Variants in ALK observed in about 807,000 individuals in gnomAD.
ALK encodes the protein ALK tyrosine kinase receptor.
In ALK, 74 loss-of-function variants were observed where a neutral mutation model predicts 163.1. That is an observed-to-expected ratio of 0.45 (90% CI 0.38 to 0.55). The LOEUF (loss-of-function observed/expected upper bound fraction) is 0.55. Among genes scored for constraint, ALK ranks in the 20% least tolerant of loss-of-function variants. ALK has a pLI of 0.00. For synonymous variants in ALK, 960 were observed against 843.2 expected, an observed-to-expected ratio of 1.14 and a Z score of -2.40; for missense variants, 2,063 against 2,105.3, an observed-to-expected ratio of 0.98 and a Z score of 0.39.
intron 3 of ALK, among the ~76,000 whole-genome samples, chr2:29,664,899 C>T (rs943735603): frequency 2.0e-5 from 3 of 152,102 alleles, no homozygotes; most frequent in Non-Finnish European, 4.4e-5. Flanking sequence ...AGGCTGCCCA[C>T]CAGTCTATCC....
At chr2:29,249,674 C>A (rs1304233715) in intron 12 of ALK, among the ~76,000 whole-genome samples, 1 of 152,178 alleles carries the variant, frequency 6.6e-6, no homozygotes, top group East Asian at 1.9e-4. Context: ...TGCTACCCAC[C>A]CTATGCTCAT....
intron 4 of ALK, among the ~76,000 whole-genome samples, chr2:29,502,223 A>G (rs1335966347): frequency 1.3e-5 from 2 of 152,156 alleles, no homozygotes; most frequent in Admixed American, 6.5e-5. Flanking sequence ...TTGAGTCACA[A>G]CTTCTCTAAT....
At chr2:29,377,278 C>T (rs575291353) in intron 5 of ALK, among the ~76,000 whole-genome samples, 2 of 152,018 alleles carry the variant, frequency 1.3e-5, no homozygotes, top group Non-Finnish European at 2.9e-5. Flanking sequence ...AGTTCGAGAC[C>T]AGCCTGACCA....
chr2:29,685,441 C>G (rs1678207845), intron 3 of ALK, among the ~76,000 whole-genome samples: 1 of 152,154 alleles, frequency 6.6e-6, no homozygotes, highest in South Asian at 2.1e-4. Flanking sequence ...GCTCCTTGTC[C>G]CCTTGGGTAT....
intron 19 of ALK, 78 bp from the exon 20 acceptor site, chr2:29,223,606 A>G (rs2148171464): frequency 6.9e-7 from 1 of 1,458,576 alleles, no homozygotes; most frequent in South Asian, 1.2e-5. Context: ...TCCTACAGGA[A>G]GCCTCCCTGG....
chr2:29,528,264 T>C (rs1270685199), intron 4 of ALK, among the ~76,000 whole-genome samples: 2 of 152,074 alleles, frequency 1.3e-5, no homozygotes, highest in Non-Finnish European at 2.9e-5. Flanking sequence ...GGTGGCCTTC[T>C]GGGTAGGAGC....
chr2:29,235,071 A>C (rs1317176964), intron 13 of ALK, among the ~76,000 whole-genome samples: 1 of 152,230 alleles, frequency 6.6e-6, no homozygotes. Context: ...GTTGGGGCTC[A>C]GGTATTAGAG....
chr2:29,897,273 A>G (rs1165996419), intron 1 of ALK, among the ~76,000 whole-genome samples: 1 of 152,090 alleles, frequency 6.6e-6, no homozygotes, highest in Non-Finnish European at 1.5e-5. Context: ...ACTCGGAGGC[A>G]GAGGTTTCAG....
intron 1 of ALK, among the ~76,000 whole-genome samples, chr2:29,770,224 C>G (rs1312721993): frequency 6.6e-6 from 1 of 152,232 alleles, no homozygotes; most frequent in East Asian, 1.9e-4. Context: ...TCTCCAAACT[C>G]TTTCCCCATT....
At chr2:29,265,412 G>A (rs915668520) in intron 11 of ALK, among the ~76,000 whole-genome samples, 2 of 152,186 alleles carry the variant, frequency 1.3e-5, no homozygotes, top group African/African-American at 4.8e-5. Context: ...TTGGCTGGTA[G>A]ACTGAATGGT....
intron 3 of ALK, among the ~76,000 whole-genome samples, chr2:29,615,006 A>G (rs2148224290): frequency 6.6e-6 from 1 of 152,208 alleles, no homozygotes; most frequent in East Asian, 1.9e-4. Flanking sequence ...TTTTTAAGAG[A>G]CAGAGTCTTG....
intron 4 of ALK, among the ~76,000 whole-genome samples, chr2:29,436,778 T>C (rs925226524): frequency 4.6e-5 from 7 of 152,224 alleles, no homozygotes; most frequent in African/African-American, 1.7e-4. Flanking sequence ...TTAAACCTGC[T>C]TGATTAGCCA....
intron 3 of ALK, among the ~76,000 whole-genome samples, chr2:29,574,728 G>A (rs1431815744): frequency 1.3e-5 from 2 of 152,200 alleles, no homozygotes; most frequent in Non-Finnish European, 2.9e-5. Context: ...TCTACCTTTT[G>A]CTGATGAGGA....
chr2:29,525,657 G>A (rs904836597), intron 4 of ALK, among the ~76,000 whole-genome samples: 2 of 151,960 alleles, frequency 1.3e-5, no homozygotes, highest in African/African-American at 4.8e-5. Context: ...AGGTGTGGTG[G>A]TGGGGGCCTG....
intron 3 of ALK, among the ~76,000 whole-genome samples, chr2:29,587,411 A>C (rs1312372880): frequency 1.3e-5 from 2 of 151,800 alleles, no homozygotes; most frequent in African/African-American, 2.4e-5. Context: ...TCAAGGTGAA[A>C]TAGCCTTTGC....
intron 3 of ALK, among the ~76,000 whole-genome samples, chr2:29,654,389 TACAA>T (rs112573517): frequency 0.079 from 11,949 of 152,158 alleles, 876 homozygotes; most frequent in African/African-American, 0.19. Flanking sequence ...GGGAGAGTTA[TACAA>T]ACAGTCAGTG....
At chr2:29,768,399 G>T (rs1680922247) in intron 1 of ALK, among the ~76,000 whole-genome samples, 1 of 152,090 alleles carries the variant, frequency 6.6e-6, no homozygotes, top group African/African-American at 2.4e-5. Flanking sequence ...ATACTTTCTT[G>T]GTATAAAGCA....
chr2:29,465,119 A>G (rs746787051), intron 4 of ALK, among the ~76,000 whole-genome samples: 2 of 152,196 alleles, frequency 1.3e-5, no homozygotes, highest in African/African-American at 2.4e-5. Flanking sequence ...AATTACATCA[A>G]GATCCATCAT....
intron 3 of ALK, among the ~76,000 whole-genome samples, chr2:29,566,838 A>T (rs1674204826): frequency 6.6e-6 from 1 of 152,198 alleles, no homozygotes; most frequent in Admixed American, 6.5e-5. Flanking sequence ...GGAGATGATC[A>T]TCATATATAT....
Sources: gnomAD v4.1 joint callset for allele counts (sites outside exome capture counted in the v4.1 genomes callset) on GRCh38, gnomAD v4.1.1 for gene constraint, MANE v1.5 for transcripts, NCBI Gene and HGNC (gene_info 2026-07-23, HGNC 2026-07-21) for gene names.